Variants in ACBD6 observed in about 807,000 individuals in gnomAD.
The protein encoded by ACBD6 is acyl-CoA-binding domain-containing protein 6.
In ACBD6, 28 loss-of-function variants were observed where a neutral mutation model predicts 37.2. The ratio of observed to expected loss-of-function variants is 0.75; its 90% CI spans 0.56 to 1.03. The LOEUF (loss-of-function observed/expected upper bound fraction) is 1.03. Among genes scored for constraint, ACBD6 ranks in the 50% least tolerant of loss-of-function variants. The probability of loss-of-function intolerance (pLI) is 0.00; values close to 1 mark genes in which losing one functional copy is unlikely to be tolerated. For missense variants in ACBD6, 340 were observed against 337.4 expected (o/e 1.01, Z -0.06); for synonymous variants, 113 against 126.8 (o/e 0.89, Z 0.73).
At chr1:180,446,348 C>T (rs1223481648) in intron 3 of ACBD6, among the ~76,000 whole-genome samples, 1 of 151,750 alleles carries the variant, frequency 6.6e-6, no homozygotes, top group African/African-American at 2.4e-5. Flanking sequence ...ATAAAGTACT[C>T]CATTAGTTCA....
chr1:180,441,770 G>T (rs1000917886), intron 3 of ACBD6, among the ~76,000 whole-genome samples: 2 of 152,132 alleles, frequency 1.3e-5, no homozygotes, highest in African/African-American at 4.8e-5. Context: ...ACTAACTCTA[G>T]CGGTGTCTTT....
intron 6 of ACBD6, among the ~76,000 whole-genome samples, chr1:180,335,945 T>G (rs1263262486): frequency 6.6e-6 from 1 of 150,832 alleles, no homozygotes; most frequent in African/African-American, 2.4e-5. Context: ...AGGGATCAAT[T>G]CAACAAGAAG....
intron 6 of ACBD6, among the ~76,000 whole-genome samples, chr1:180,335,570 A>C (rs1651676770): frequency 1.3e-5 from 2 of 152,172 alleles, no homozygotes; most frequent in African/African-American, 4.8e-5. Context: ...CCAAATTGTA[A>C]AGACCATCGA....
At chr1:180,420,746 ACAAC>A (rs1162923358) in intron 4 of ACBD6, among the ~76,000 whole-genome samples, 1 of 152,218 alleles carries the variant, frequency 6.6e-6, no homozygotes, top group Non-Finnish European at 1.5e-5. Flanking sequence ...TTCTTATTGT[ACAAC>A]CAAAAGACCA....
At chr1:180,481,106 G>C (rs1336558344) in intron 3 of ACBD6, among the ~76,000 whole-genome samples, 1 of 152,036 alleles carries the variant, frequency 6.6e-6, no homozygotes, top group Admixed American at 6.5e-5. Flanking sequence ...TAACTGGCTG[G>C]AGCTAACATC....
intron 6 of ACBD6, among the ~76,000 whole-genome samples, chr1:180,327,382 C>T (rs1364939731): frequency 6.6e-6 from 1 of 152,186 alleles, no homozygotes; most frequent in Non-Finnish European, 1.5e-5. Context: ...CGCCACAGGG[C>T]TGCTGCGGGA....
At chr1:180,332,838 G>T (rs928662659) in intron 6 of ACBD6, among the ~76,000 whole-genome samples, 2 of 152,066 alleles carry the variant, frequency 1.3e-5, no homozygotes, top group Non-Finnish European at 2.9e-5. Flanking sequence ...AAAAAGGTTG[G>T]GGACCACTGA....
intron 6 of ACBD6, among the ~76,000 whole-genome samples, chr1:180,338,253 G>T (rs909172658): frequency 1.3e-5 from 2 of 152,160 alleles, no homozygotes; most frequent in Non-Finnish European, 2.9e-5. Flanking sequence ...AACAAAGCTG[G>T]AGGAATCACA....
At chr1:180,306,400 C>T (rs1650375898) in intron 7 of ACBD6, among the ~76,000 whole-genome samples, 1 of 152,120 alleles carries the variant, frequency 6.6e-6, no homozygotes, top group Non-Finnish European at 1.5e-5. Flanking sequence ...TAGCACATAT[C>T]AACAATCAGG....
chr1:180,495,642 A>T, intron 1 of ACBD6, 117 bp from the exon 2 acceptor site: 1 of 745,200 alleles, frequency 1.3e-6, no homozygotes, highest in South Asian at 1.8e-5. Context: ...ATTTGCATCT[A>T]TATGGAATAG....
chr1:180,440,046 A>C (rs1158694536), intron 3 of ACBD6, among the ~76,000 whole-genome samples: 1 of 152,136 alleles, frequency 6.6e-6, no homozygotes, highest in Non-Finnish European at 1.5e-5. Context: ...TTTAAAATTT[A>C]CTATAGTTCA....
intron 6 of ACBD6, among the ~76,000 whole-genome samples, chr1:180,351,280 GT>G (rs34763031): frequency 0.85 from 105,813 of 125,164 alleles, 44,318 homozygotes; most frequent in Middle Eastern, 0.92. Flanking sequence ...CAGATATTAC[GT>G]TTTTTTTTTT....
chr1:180,272,694 T>G lies in ACBD6; in HGVS notation c.*1174-2A>C, dbSNP rs568127108. The stretch of plus-strand genomic sequence containing the variant: ...GAGTTCTCAAATGTGGAAGGTCTTC[T>G]GCGGAGGGGGAAAGGGAAGAGTACT... On this transcript the variant is annotated splice_acceptor_variant, in intron 12 of 13. Coordinates refer to the ACBD6 transcript ENST00000642319. LOFTEE classifies it low-confidence loss of function (3UTR_SPLICE). 2.6e-5 allele frequency: 4 copies of G among 152,408 alleles called. No individual in the cohort carries two copies. The South Asian group carries it at 8.3e-4, about 32-fold the overall frequency. 9.4% of individuals were successfully genotyped at this position (152,408 alleles called of 1,614,324 possible). A position where few individuals can be genotyped will look rare whatever the true frequency, so the allele number is the denominator to read the frequency against.
chr1:180,317,553 T>A (rs1261849959), intron 6 of ACBD6, among the ~76,000 whole-genome samples: 1 of 152,188 alleles, frequency 6.6e-6, no homozygotes, highest in Non-Finnish European at 1.5e-5. Context: ...GAAAAGGGTA[T>A]GAGCCAAAAA....
chr1:180,349,795 T>G (rs1208273431), intron 6 of ACBD6, among the ~76,000 whole-genome samples: 1 of 152,096 alleles, frequency 6.6e-6, no homozygotes, highest in Non-Finnish European at 1.5e-5. Flanking sequence ...CTGCATAGAG[T>G]TTTTATTAAT....
At chr1:180,440,650 C>A (rs946831906) in intron 3 of ACBD6, among the ~76,000 whole-genome samples, 7 of 150,104 alleles carry the variant, frequency 4.7e-5, no homozygotes, top group African/African-American at 1.5e-4. Flanking sequence ...AGCAGTCACT[C>A]CCCATTCCCC....
intron 6 of ACBD6, among the ~76,000 whole-genome samples, chr1:180,375,765 T>G (rs779395293): frequency 6.6e-6 from 1 of 152,194 alleles, no homozygotes. Flanking sequence ...GAAGAAAATA[T>G]GGAATCTCTC....
At chr1:180,487,227 T>C (rs1016275727) in intron 3 of ACBD6, among the ~76,000 whole-genome samples, 7 of 152,172 alleles carry the variant, frequency 4.6e-5, no homozygotes, top group Non-Finnish European at 1.0e-4. Context: ...AAATTGCTGA[T>C]TTTGATCATT....
chr1:180,347,772 C>A (rs1263751595), intron 6 of ACBD6, among the ~76,000 whole-genome samples: 1 of 152,006 alleles, frequency 6.6e-6, no homozygotes, highest in Admixed American at 6.6e-5. Context: ...GAGATCAAGA[C>A]CATCCTGGCT....
Sources: gnomAD v4.1 joint callset for allele counts (sites outside exome capture counted in the v4.1 genomes callset) on GRCh38, gnomAD v4.1.1 for gene constraint, MANE v1.5 for transcripts, NCBI Gene and HGNC (gene_info 2026-07-23, HGNC 2026-07-21) for gene names.